Variants in ARHGEF10L observed in about 807,000 individuals in gnomAD.
ARHGEF10L encodes the protein Rho guanine nucleotide exchange factor 10 like, also known as rho guanine nucleotide exchange factor 10-like protein.
In ARHGEF10L, 69 loss-of-function variants were observed where a neutral mutation model predicts 141.2. That is an observed-to-expected ratio of 0.49 (90% CI 0.40 to 0.60). The LOEUF (loss-of-function observed/expected upper bound fraction) is 0.60, where lower values mean the gene tolerates loss of function less well. Among genes scored for constraint, ARHGEF10L ranks in the 20% least tolerant of loss-of-function variants. The pLI, the probability that ARHGEF10L is intolerant of heterozygous loss-of-function variation, is 0.00. For synonymous variants in ARHGEF10L, 711 were observed against 718.5 expected, an observed-to-expected ratio of 0.99 and a Z score of 0.17; for missense variants, 1,482 against 1,734.3, an observed-to-expected ratio of 0.85 and a Z score of 2.58.
At position 17,603,659 on chromosome 1, in the gene ARHGEF10L, T is replaced by C. The variant is rs1004252057; in HGVS notation, c.433+68T>C. 1 of 1,418,428 alleles carries C rather than the reference T, an allele frequency of 7.1e-7. No homozygotes were observed. Among genetic ancestry groups the C allele is most frequent in the East Asian group, 2.7e-5 (1 of 37,426 alleles). 87.9% of individuals were successfully genotyped at this position (1,418,428 alleles called of 1,614,324 possible). On this transcript the variant is annotated intron_variant, in intron 6 of 28. Transcript: ENST00000361221. The surrounding 1 kb of genome is among the most constrained non-coding windows in gnomAD (Gnocchi z 4.8). The stretch of plus-strand genomic sequence containing the variant: ...GGAGGGAGGCTGGGACTGGGGAGGG[T>C]TGTCTCTTTCCGTTTCCTTCTGTCC...
At chr1:17,692,741 C>A (rs897839775) in intron 27 of ARHGEF10L, among the ~76,000 whole-genome samples, 1 of 152,248 alleles carries the variant, frequency 6.6e-6, no homozygotes, top group Non-Finnish European at 1.5e-5. Flanking sequence ...CTAGGCCTTC[C>A]GGTAGCTTTT....
chr1:17,624,255 G>T, intron 12 of ARHGEF10L, 132 bp from the exon 13 acceptor site: 1 of 729,230 alleles, frequency 1.4e-6, no homozygotes, highest in Admixed American at 1.8e-5. Flanking sequence ...GAGGTCCCAA[G>T]GGAGTGTGGG....
intron 26 of ARHGEF10L, among the ~76,000 whole-genome samples, chr1:17,665,549 G>A (rs941571648): frequency 6.6e-6 from 1 of 152,310 alleles, no homozygotes; most frequent in African/African-American, 2.4e-5. Context: ...GCAGCACAGA[G>A]GTGTTGTCGT....
At chr1:17,578,736 A>G in intron 1 of ARHGEF10L, among the ~76,000 whole-genome samples, 1 of 152,146 alleles carries the variant, frequency 6.6e-6, no homozygotes, top group East Asian at 1.9e-4. Flanking sequence ...AAAAACACCT[A>G]CCTCAAAACA....
At chr1:17,676,113 C>G (rs891008007) in intron 26 of ARHGEF10L, among the ~76,000 whole-genome samples, 1 of 140,270 alleles carries the variant, frequency 7.1e-6, no homozygotes, top group Admixed American at 7.2e-5. Flanking sequence ...GGTGTACGTG[C>G]AGGCATGGGT....
intron 7 of ARHGEF10L, among the ~76,000 whole-genome samples, chr1:17,609,733 G>A (rs941977128): frequency 9.9e-5 from 15 of 152,160 alleles, no homozygotes; most frequent in Non-Finnish European, 2.1e-4. Flanking sequence ...CTCTGAGAGC[G>A]GTGAGTTGGA....
At chr1:17,675,563 GTGTGTGCAGGTGTGGATGCAGGGA>G (rs2063602539) in intron 26 of ARHGEF10L, among the ~76,000 whole-genome samples, 1 of 150,706 alleles carries the variant, frequency 6.6e-6, no homozygotes, top group Non-Finnish European at 1.5e-5. Flanking sequence ...GCGTGCAGAT[GTGTGTGCAGGTGTGGATGCAGGGA>G]TGTGTGCAGG....
chr1:17,596,389 G>A (rs2080102728), intron 4 of ARHGEF10L, among the ~76,000 whole-genome samples: 1 of 152,224 alleles, frequency 6.6e-6, no homozygotes, highest in Admixed American at 6.5e-5. Flanking sequence ...GTGTGGGGCT[G>A]TCCTACGCAA....
At chr1:17,549,512 G>A (rs2077036569) in intron 1 of ARHGEF10L, among the ~76,000 whole-genome samples, 1 of 152,120 alleles carries the variant, frequency 6.6e-6, no homozygotes, top group Non-Finnish European at 1.5e-5. Flanking sequence ...GGTCAGGGAG[G>A]CCTCTCTGAA....
intron 2 of ARHGEF10L, among the ~76,000 whole-genome samples, chr1:17,585,337 C>T (rs2078935850): frequency 6.6e-6 from 1 of 152,142 alleles, no homozygotes; most frequent in Non-Finnish European, 1.5e-5. Flanking sequence ...CATTGCTTTG[C>T]TTCTGTCTCT....
intron 1 of ARHGEF10L, among the ~76,000 whole-genome samples, chr1:17,578,271 C>A (rs905419544): frequency 6.6e-6 from 1 of 152,200 alleles, no homozygotes; most frequent in African/African-American, 2.4e-5. Context: ...TGCCGTGCAG[C>A]TACAGGTTTG....
intron 21 of ARHGEF10L, among the ~76,000 whole-genome samples, chr1:17,647,017 CAG>C (rs1317185837): frequency 2.6e-5 from 4 of 151,992 alleles, no homozygotes; most frequent in African/African-American, 9.7e-5. Context: ...ACTGTAGTGT[CAG>C]GGGGCCCCAG....
the ARHGEF10L span, among the ~76,000 whole-genome samples, chr1:17,521,683 T>G: frequency 6.6e-6 from 1 of 152,200 alleles, no homozygotes; most frequent in African/African-American, 2.4e-5. Flanking sequence ...GTTAAGTAAC[T>G]TACTGAAGAT....
At chr1:17,633,445 G>A (rs1043868788) in intron 16 of ARHGEF10L, among the ~76,000 whole-genome samples, 2 of 152,192 alleles carry the variant, frequency 1.3e-5, no homozygotes, top group African/African-American at 4.8e-5. Flanking sequence ...CTGGGTTTAA[G>A]TGATTCTTCT....
chr1:17,572,717 T>A (rs2078055000), intron 1 of ARHGEF10L, among the ~76,000 whole-genome samples: 2 of 152,058 alleles, frequency 1.3e-5, no homozygotes, highest in Non-Finnish European at 2.9e-5. Context: ...TGTTTCTTTG[T>A]CCCCAGTGCC....
chr1:17,526,950 C>T, the ARHGEF10L span, among the ~76,000 whole-genome samples: 1 of 152,002 alleles, frequency 6.6e-6, no homozygotes, highest in Admixed American at 6.6e-5. Flanking sequence ...TGGCAGGATG[C>T]CTCGTTGTGC....
At position 17,621,045 on chromosome 1, in the gene ARHGEF10L, T is replaced by C. The variant is rs2060082280; in HGVS notation, c.943-819T>C. ...TTGTGATCCACTCCGTGGGCCAGGC[T>C]TCTGGAGGGTTACGGTGATGGTGGA... On this transcript the variant is annotated intron_variant, in intron 10 of 28. Coordinates refer to ENST00000361221, the MANE Select transcript of ARHGEF10L (RefSeq NM_018125.4). This position sits in a 1 kb window ranked among gnomAD's most constrained non-coding sequence, Gnocchi z 4.1. Among the ~76,000 whole-genome samples, 1 of 152,070 alleles carries C rather than the reference T, an allele frequency of 6.6e-6. No homozygotes were observed. Among genetic ancestry groups the C allele is most frequent in the Non-Finnish European group, 1.5e-5 (1 of 68,014 alleles).
At chr1:17,633,193 G>C (rs2060805912) in intron 16 of ARHGEF10L, among the ~76,000 whole-genome samples, 1 of 152,214 alleles carries the variant, frequency 6.6e-6, no homozygotes, top group African/African-American at 2.4e-5. Flanking sequence ...CCATTCTCCA[G>C]CCTTTCTGCT....
chr1:17,604,519 A>C (rs1158529325), intron 6 of ARHGEF10L: 1 of 152,110 alleles, frequency 6.6e-6, no homozygotes, highest in African/African-American at 2.4e-5. Flanking sequence ...GCTTTTGAGG[A>C]GCTCCGAGTC....
Sources: gnomAD v4.1 joint callset for allele counts (sites outside exome capture counted in the v4.1 genomes callset) on GRCh38, gnomAD v4.1.1 for gene constraint, Gnocchi (gnomAD v3.1) non-coding constraint, MANE v1.5 for transcripts, NCBI Gene and HGNC (gene_info 2026-07-23, HGNC 2026-07-21) for gene names.